The following SASH1 variants were observed in gnomAD, a reference collection of about 807,000 sequenced individuals.
SASH1 encodes SAM and SH3 domain containing 1, also known as SAM and SH3 domain-containing protein 1.
SASH1 carries 44 observed loss-of-function variants against 125.2 expected under a neutral mutation model. The observed-to-expected ratio is 0.35, with a 90% confidence interval of 0.28 to 0.45. The LOEUF (loss-of-function observed/expected upper bound fraction) is 0.45, where lower values mean the gene tolerates loss of function less well. Among genes scored for constraint, SASH1 ranks in the 20% least tolerant of loss-of-function variants. SASH1 has a pLI of 1.00. For missense variants in SASH1, 1,426 were observed against 1,614.5 expected (o/e 0.88, Z 2.00); for synonymous variants, 639 against 649.1 (o/e 0.98, Z 0.24).
At position 148,518,196 on chromosome 6, in the gene SASH1, A is replaced by T. The variant is rs533711963; in HGVS notation, c.863-1351A>T. Among the ~76,000 whole-genome samples, 9 of 152,206 alleles carry T rather than the reference A, an allele frequency of 5.9e-5. No individual in the cohort carries two copies. In the East Asian group the frequency reaches 1.5e-3, roughly 26 times the overall value. ...TGGTACCCTGCATCTGGGCTGGTGA[A>T]TTTCTGTGAGAACCCCGAATCCTGC... On this transcript the variant is annotated intron_variant, in intron 9 of 19. Coordinates refer to ENST00000367467, the MANE Select transcript of SASH1 (RefSeq NM_015278.5).
At chr6:148,298,081 G>A (rs1301598574) in intron 1 of SASH1, among the ~76,000 whole-genome samples, 4 of 148,170 alleles carry the variant, frequency 2.7e-5, no homozygotes, top group African/African-American at 5.0e-5. Context: ...GTCTTGGCTC[G>A]CTGCAACCTC....
chr6:148,210,161 G>T, the SASH1 span, among the ~76,000 whole-genome samples: 1 of 152,196 alleles, frequency 6.6e-6, no homozygotes, highest in Admixed American at 6.5e-5. Flanking sequence ...GTGTCACCAG[G>T]ATGTTTCACA....
At chr6:148,389,484 T>C (rs1783609703) in intron 1 of SASH1, among the ~76,000 whole-genome samples, 1 of 152,236 alleles carries the variant, frequency 6.6e-6, no homozygotes, top group Non-Finnish European at 1.5e-5. Flanking sequence ...TAATGAATAA[T>C]ATGAATATTA....
chr6:148,359,150 G>C (rs201366877), intron 1 of SASH1, among the ~76,000 whole-genome samples: 8 of 151,016 alleles, frequency 5.3e-5, no homozygotes, highest in Non-Finnish European at 1.0e-4. Context: ...GTTATGGCTT[G>C]TTTCTGTTTT....
At chr6:148,361,459 A>G (rs1450000074) in intron 1 of SASH1, among the ~76,000 whole-genome samples, 2 of 152,022 alleles carry the variant, frequency 1.3e-5, no homozygotes, top group East Asian at 3.9e-4. Context: ...AAAATTAGCC[A>G]GGCGTGGTGG....
At chr6:148,441,596 G>A (rs1176071796) in intron 4 of SASH1, among the ~76,000 whole-genome samples, 1 of 152,160 alleles carries the variant, frequency 6.6e-6, no homozygotes, top group Non-Finnish European at 1.5e-5. Context: ...TATTGTGGTG[G>A]GGTAGAAGCA....
chr6:148,259,217 G>A, the SASH1 span, among the ~76,000 whole-genome samples: 99 of 152,200 alleles, frequency 6.5e-4, 1 homozygote, highest in East Asian at 8.5e-3. Context: ...CTAAAGATTC[G>A]GAAAGTTAAA....
intron 5 of SASH1, among the ~76,000 whole-genome samples, chr6:148,470,088 G>A (rs145071082): frequency 2.4e-3 from 364 of 151,760 alleles, no homozygotes; most frequent in Non-Finnish European, 3.8e-3. Context: ...GAATATTCCC[G>A]AACTGTCCAA....
At chr6:148,218,932 C>T in the SASH1 span, among the ~76,000 whole-genome samples, 3 of 152,208 alleles carry the variant, frequency 2.0e-5, no homozygotes, top group Non-Finnish European at 4.4e-5. Flanking sequence ...CCAAAATGAG[C>T]ATAACTTAGA....
the SASH1 span, among the ~76,000 whole-genome samples, chr6:148,221,292 G>A: frequency 6.6e-6 from 1 of 152,156 alleles, no homozygotes; most frequent in African/African-American, 2.4e-5. Flanking sequence ...TAATTTACAA[G>A]GTTAAACCTC....
intron 8 of SASH1, chr6:148,512,462 G>A (rs1188232035): frequency 1.0e-6 from 1 of 985,132 alleles, no homozygotes; most frequent in Non-Finnish European, 1.2e-6. Context: ...TCCATGAACT[G>A]TGGGTTTTTC....
chr6:148,450,890 T>C lies in SASH1; in HGVS notation c.386+10483T>C, dbSNP rs62432302. Reference sequence around the variant, plus strand: ...GTCTTCCTTACCAGCTCTGTAACTCTTGGGCAAGCCACTTGACCTTTCTAT... The same window carrying C: ...GTCTTCCTTACCAGCTCTGTAACTCCTGGGCAAGCCACTTGACCTTTCTAT... On this transcript the variant is annotated intron_variant, in intron 4 of 19. Transcript: ENST00000367467. Among the ~76,000 whole-genome samples the C allele has an allele frequency of 9.0e-3, 1,367 of 152,298 alleles. 6 individuals are homozygous for C. The highest frequency in any genetic ancestry group is 0.017 in the Admixed American group (262 of 15,294).
At chr6:148,440,078 C>T in intron 2 of SASH1, 106 bp from the exon 3 acceptor site, 4 of 1,051,522 alleles carry the variant, frequency 3.8e-6, no homozygotes, top group Non-Finnish European at 5.9e-6. Context: ...CCACTCTATA[C>T]CCCAACCTTT....
At chr6:148,493,318 A>G (rs1779187480) in intron 8 of SASH1, among the ~76,000 whole-genome samples, 1 of 152,168 alleles carries the variant, frequency 6.6e-6, no homozygotes, top group African/African-American at 2.4e-5. Context: ...CATTTTTATG[A>G]AGAGTTGGCC....
At chr6:148,513,337 G>A in intron 8 of SASH1, 1 of 985,492 alleles carries the variant, frequency 1.0e-6, no homozygotes, top group Non-Finnish European at 1.2e-6. Flanking sequence ...CTCACCCACT[G>A]CACAGGGTGT....
At chr6:148,296,232 TCTC>T (rs1239284382) in intron 1 of SASH1, among the ~76,000 whole-genome samples, 3 of 152,112 alleles carry the variant, frequency 2.0e-5, no homozygotes, top group Non-Finnish European at 4.4e-5. Context: ...TTCAAGCAAT[TCTC>T]CTGCCTCAGC....
At chr6:148,526,708 ACT>A (rs1470499910) in intron 11 of SASH1, among the ~76,000 whole-genome samples, 4 of 152,168 alleles carry the variant, frequency 2.6e-5, no homozygotes, top group African/African-American at 9.7e-5. Flanking sequence ...AAATTTACAC[ACT>A]GAGTGCTATG....
chr6:148,208,664 T>A, the SASH1 span, among the ~76,000 whole-genome samples: 1 of 152,342 alleles, frequency 6.6e-6, no homozygotes, highest in East Asian at 1.9e-4. Flanking sequence ...GGTTTAGCTT[T>A]TTCTTGTTTT....
At chr6:148,369,341 T>C (rs1399402557) in intron 1 of SASH1, among the ~76,000 whole-genome samples, 2 of 152,216 alleles carry the variant, frequency 1.3e-5, no homozygotes, top group Admixed American at 1.3e-4. Context: ...TGAAACTGTT[T>C]CTACTCAGGC....
Sources: allele counts gnomAD v4.1 joint callset (sites outside exome capture counted in the v4.1 genomes callset), GRCh38; gene constraint gnomAD v4.1.1; transcripts MANE v1.5; gene names NCBI Gene and HGNC (gene_info 2026-07-23, HGNC 2026-07-21).